Variants in PRKCH observed in about 807,000 individuals in gnomAD.
PRKCH encodes protein kinase C eta, also known as protein kinase C eta type.
In PRKCH, 28 loss-of-function variants were observed where a neutral mutation model predicts 82.5. That is an observed-to-expected ratio of 0.34 (90% CI 0.25 to 0.47). PRKCH has a LOEUF of 0.47. PRKCH is among the 20% of genes least tolerant of loss of function. The pLI is 1.00. For synonymous variants in PRKCH, 322 were observed against 327.4 expected (o/e 0.98, Z 0.18); for missense variants, 705 against 881.8 (o/e 0.80, Z 2.54).
Position 61,457,497 on chromosome 14 carries a change from T to C in PRKCH, c.1105-9T>C, listed in dbSNP as rs17098387. 3.9e-3 allele frequency: 6,294 copies of C among 1,612,700 alleles called. 207 individuals are homozygous for C. In the African/African-American group the frequency reaches 0.074, roughly 19 times the overall value. On this transcript the variant is annotated splice_polypyrimidine_tract_variant and intron_variant, in intron 8 of 13. Transcript: ENST00000332981. ...CTCCCTCATGCTCCCTCCTTTTGCT[T>C]TGCCATAGGTGATGCTTGCAAGAGT... is the stretch of plus-strand genomic sequence containing the variant.
intron 1 of PRKCH, among the ~76,000 whole-genome samples, chr14:61,375,303 C>A (rs188417898): frequency 6.6e-6 from 1 of 152,032 alleles, no homozygotes; most frequent in Non-Finnish European, 1.5e-5. Flanking sequence ...TGAACAAATA[C>A]TAGGAAGTTA....
intron 2 of PRKCH, among the ~76,000 whole-genome samples, chr14:61,402,621 C>T (rs1318585559): frequency 6.6e-6 from 1 of 151,804 alleles, no homozygotes; most frequent in Non-Finnish European, 1.5e-5. Flanking sequence ...ATGGTGAAAC[C>T]CCGTCTCTAC....
intron 13 of PRKCH, 53 bp from the exon 14 acceptor site, chr14:61,549,631 GA>G: frequency 6.3e-7 from 1 of 1,593,346 alleles, no homozygotes; most frequent in Non-Finnish European, 8.5e-7. Flanking sequence ...CATGCAAGAT[GA>G]GTAAGCCTCA....
At chr14:61,276,614 C>A (rs2045204763) in intron 1 of PRKCH, among the ~76,000 whole-genome samples, 1 of 151,898 alleles carries the variant, frequency 6.6e-6, no homozygotes, top group South Asian at 2.1e-4. Flanking sequence ...CCTCGGCCTC[C>A]CAAAGTGCTG....
intron 1 of PRKCH, among the ~76,000 whole-genome samples, chr14:61,365,062 A>G (rs1053156325): frequency 3.3e-5 from 5 of 152,082 alleles, no homozygotes; most frequent in African/African-American, 1.2e-4. Flanking sequence ...AGTGAAGGCC[A>G]GTGAGGTAGA....
intron 1 of PRKCH, among the ~76,000 whole-genome samples, chr14:61,223,146 A>T (rs2044668373): frequency 6.6e-6 from 1 of 152,188 alleles, no homozygotes; most frequent in African/African-American, 2.4e-5. Context: ...AGTGGAAGAG[A>T]CTTGGAGGAC....
intron 1 of PRKCH, among the ~76,000 whole-genome samples, chr14:61,371,224 C>A (rs1363766476): frequency 6.6e-6 from 1 of 151,918 alleles, no homozygotes; most frequent in Non-Finnish European, 1.5e-5. Context: ...CAGAGAATTC[C>A]CATATACCCA....
At chr14:61,315,376 A>G (rs2045554388) in intron 1 of PRKCH, among the ~76,000 whole-genome samples, 1 of 152,190 alleles carries the variant, frequency 6.6e-6, no homozygotes, top group Admixed American at 6.5e-5. Context: ...TATGTGATCC[A>G]ATTCACTTAA....
At chr14:61,268,680 A>G (rs1238873999) in intron 1 of PRKCH, among the ~76,000 whole-genome samples, 1 of 151,986 alleles carries the variant, frequency 6.6e-6, no homozygotes, top group Non-Finnish European at 1.5e-5. Flanking sequence ...GCCAAAAAAT[A>G]TATATATATT....
upstream of PRKCH, among the ~76,000 whole-genome samples, chr14:61,319,451 C>T (rs539456478): frequency 7.2e-5 from 11 of 152,270 alleles, no homozygotes; most frequent in South Asian, 2.3e-3. Flanking sequence ...GCTCTGTCAC[C>T]ATTGCCAATC....
At chr14:61,289,493 G>T (rs989233813) in intron 1 of PRKCH, among the ~76,000 whole-genome samples, 1 of 152,206 alleles carries the variant, frequency 6.6e-6, no homozygotes, top group Non-Finnish European at 1.5e-5. Flanking sequence ...GATTGCTTGA[G>T]TGCAGGAGTT....
chr14:61,455,723 T>G (rs1884735664), intron 7 of PRKCH, among the ~76,000 whole-genome samples: 1 of 152,234 alleles, frequency 6.6e-6, no homozygotes, highest in African/African-American at 2.4e-5. Flanking sequence ...TCAAGTATCC[T>G]TAATCCATGA....
intron 1 of PRKCH, among the ~76,000 whole-genome samples, chr14:61,342,008 C>T (rs957937645): frequency 1.3e-5 from 2 of 151,990 alleles, no homozygotes; most frequent in Admixed American, 6.6e-5. Context: ...GGGTTCTCCT[C>T]CTCCCCCTGA....
chr14:61,398,203 C>T (rs1246469201), intron 2 of PRKCH, among the ~76,000 whole-genome samples: 2 of 152,114 alleles, frequency 1.3e-5, no homozygotes, highest in Admixed American at 6.5e-5. Flanking sequence ...ATGAAACAGC[C>T]CTGGATTTTT....
chr14:61,517,224 C>T (rs1244537321), intron 10 of PRKCH, among the ~76,000 whole-genome samples: 1 of 151,924 alleles, frequency 6.6e-6, no homozygotes, highest in Non-Finnish European at 1.5e-5. Context: ...TGTCGTAAAG[C>T]ATTCCTCATC....
At chr14:61,292,053 C>T (rs1355033259) in intron 1 of PRKCH, among the ~76,000 whole-genome samples, 1 of 152,084 alleles carries the variant, frequency 6.6e-6, no homozygotes, top group African/African-American at 2.4e-5. Flanking sequence ...CCGGAACTCA[C>T]ATTTTATCAG....
chr14:61,531,770 C>T (rs1294527033), intron 12 of PRKCH, among the ~76,000 whole-genome samples: 1 of 152,158 alleles, frequency 6.6e-6, no homozygotes, highest in Non-Finnish European at 1.5e-5. Context: ...CTTTGGGATT[C>T]TACCAAATAT....
At chr14:61,527,725 G>A (rs879303870) in intron 10 of PRKCH, among the ~76,000 whole-genome samples, 8 of 152,084 alleles carry the variant, frequency 5.3e-5, no homozygotes, top group African/African-American at 1.2e-4. Flanking sequence ...TTCCTCTGTA[G>A]CCCTGAGATT....
intron 1 of PRKCH, among the ~76,000 whole-genome samples, chr14:61,292,113 G>C (rs1175618924): frequency 6.6e-6 from 1 of 152,050 alleles, no homozygotes; most frequent in East Asian, 1.9e-4. Context: ...ATTAGGAGGA[G>C]AGTTAAAAAA....
Sources: allele counts gnomAD v4.1 joint callset (sites outside exome capture counted in the v4.1 genomes callset), GRCh38; gene constraint gnomAD v4.1.1; transcripts MANE v1.5; gene names NCBI Gene and HGNC (gene_info 2026-07-23, HGNC 2026-07-21).